FCN2: variants seen among roughly 807,000 people sequenced by gnomAD.
FCN2 encodes the protein ficolin 2.
In FCN2, 31 loss-of-function variants were observed where a neutral mutation model predicts 32.5. That is an observed-to-expected ratio of 0.96 (90% CI 0.72 to 1.29). The LOEUF (loss-of-function observed/expected upper bound fraction) is 1.29, where lower values mean the gene tolerates loss of function less well. Among genes scored for constraint, FCN2 ranks in the 50% most tolerant of loss-of-function variants. FCN2 has a pLI of 0.00. For missense variants in FCN2, 412 were observed against 406.5 expected (o/e 1.01, Z -0.12); for synonymous variants, 181 against 164.5 (o/e 1.10, Z -0.77).
chr9:134,885,728 G>T (rs755966349), intron 5 of FCN2, 40 bp from the exon 6 acceptor site: 17 of 1,613,498 alleles, frequency 1.1e-5, no homozygotes, highest in Non-Finnish European at 1.4e-5. Flanking sequence ...TGGGACGTCG[G>T]CCTGGCCCCC....
chr9:134,878,945 C>G (rs1830627820), upstream of FCN2, among the ~76,000 whole-genome samples: 1 of 152,218 alleles, frequency 6.6e-6, no homozygotes, highest in African/African-American at 2.4e-5. Context: ...TATAAGGAGC[C>G]TGTGAATAAT....
At chr9:134,877,364 C>T (rs1467391764), upstream of FCN2, among the ~76,000 whole-genome samples, 1 of 152,138 alleles carries the variant, frequency 6.6e-6, no homozygotes, top group Non-Finnish European at 1.5e-5. Flanking sequence ...AAAATTCTTT[C>T]TAATTTCTCC....
chr9:134,865,141 G>A, the FCN2 span, among the ~76,000 whole-genome samples: 1 of 152,260 alleles, frequency 6.6e-6, no homozygotes, highest in African/African-American at 2.4e-5. Flanking sequence ...GGCCTGGGAT[G>A]TGCCTGGCAC....
chr9:134,872,182 G>A, the FCN2 span, among the ~76,000 whole-genome samples: 1 of 151,770 alleles, frequency 6.6e-6, no homozygotes, highest in African/African-American at 2.4e-5. Context: ...TCCATTCAGC[G>A]GAGTCGTACC....
chr9:134,865,370 A>G, the FCN2 span, among the ~76,000 whole-genome samples: 5 of 152,148 alleles, frequency 3.3e-5, no homozygotes, highest in Non-Finnish European at 7.4e-5. Flanking sequence ...AGTAGGCGCC[A>G]TGGTCTGAGC....
chr9:134,867,736 G>C, the FCN2 span, among the ~76,000 whole-genome samples: 1 of 150,972 alleles, frequency 6.6e-6, no homozygotes, highest in Non-Finnish European at 1.5e-5. Context: ...TGTGTCCTTG[G>C]ACCCCACACT....
At chr9:134,875,485 A>G in the FCN2 span, among the ~76,000 whole-genome samples, 3 of 152,176 alleles carry the variant, frequency 2.0e-5, no homozygotes, top group African/African-American at 7.2e-5. Context: ...AGAGTACAGC[A>G]AAGAGGAAGC....
intron 1 of FCN2, 138 bp from the exon 2 acceptor site, chr9:134,882,388 G>T: frequency 1.4e-6 from 1 of 737,316 alleles, no homozygotes; most frequent in Non-Finnish European, 2.4e-6. Flanking sequence ...GCTGAGGGAG[G>T]TGGCTGTGGC....
At chr9:134,874,116 G>A in the FCN2 span, among the ~76,000 whole-genome samples, 29 of 152,000 alleles carry the variant, frequency 1.9e-4, no homozygotes, top group African/African-American at 6.0e-4. Context: ...GGGTTTCACC[G>A]TGTTGGCCAG....
upstream of FCN2, among the ~76,000 whole-genome samples, chr9:134,880,652 G>A (rs540095071): frequency 1.1e-4 from 16 of 152,294 alleles, no homozygotes; most frequent in Non-Finnish European, 1.8e-4. Context: ...CCCAAGGGGC[G>A]GGGGGTAGGG....
At chr9:134,873,649 A>G in the FCN2 span, among the ~76,000 whole-genome samples, 1 of 152,198 alleles carries the variant, frequency 6.6e-6, no homozygotes, top group Non-Finnish European at 1.5e-5. Flanking sequence ...ATGATTTGCA[A>G]ATATATTCTC....
At chr9:134,885,653 A>AC in intron 5 of FCN2, 115 bp from the exon 6 acceptor site, 1 of 1,416,806 alleles carries the variant, frequency 7.1e-7, no homozygotes, top group South Asian at 1.3e-5. Flanking sequence ...CGTGCTGGTG[A>AC]CCCCGCCTGT....
At chr9:134,886,259 A>C (rs565690217) in intron 6 of FCN2, among the ~76,000 whole-genome samples, 171 bp from the exon 7 acceptor site, 1 of 152,290 alleles carries the variant, frequency 6.6e-6, no homozygotes, top group African/African-American at 2.4e-5. Context: ...CCTGCTGCTC[A>C]GCACACCCTG....
intron 2 of FCN2, 118 bp downstream of exon 2, chr9:134,882,757 G>T: frequency 1.4e-6 from 1 of 692,946 alleles, no homozygotes; most frequent in Non-Finnish European, 2.5e-6. Context: ...CCCTGCAAGA[G>T]CCAGGAAAAG....
chr9:134,874,252 TAATC>T, the FCN2 span, among the ~76,000 whole-genome samples: 26 of 152,370 alleles, frequency 1.7e-4, no homozygotes, highest in African/African-American at 6.3e-4. Flanking sequence ...TACAATCCGT[TAATC>T]AATATTTTGC....
intron 3 of FCN2, 118 bp from the exon 4 acceptor site, chr9:134,884,609 GGGACTCCTTGGCT>G: frequency 1.1e-6 from 1 of 896,182 alleles, no homozygotes; most frequent in South Asian, 1.4e-5. Context: ...ACCAGGGTCA[GGGACTCCTTGGCT>G]GGACCCATAC....
chr9:134,885,647 C>A, intron 5 of FCN2, 121 bp from the exon 6 acceptor site: 1 of 1,379,418 alleles, frequency 7.2e-7, no homozygotes, highest in Non-Finnish European at 1.0e-6. Context: ...GGTGGGCGTG[C>A]TGGTGACCCC....
Position 134,885,678 on chromosome 9 carries a change from T to A in FCN2, c.430-90T>A. 4 of 1,578,960 alleles carry A rather than the reference T, an allele frequency of 2.5e-6. No homozygotes were observed. In the South Asian group the frequency reaches 3.4e-5, roughly 13 times the overall value. On this transcript the variant is annotated intron_variant, in intron 5 of 7. Coordinates refer to ENST00000291744, the MANE Select transcript of FCN2 (RefSeq NM_004108.3). The stretch of plus-strand genomic sequence containing the variant: ...ACCCCGCCTGTGATGCTCTGCCAAC[T>A]ACAAATGCTGCTCCTCTGGAGGGCG...
the FCN2 span, among the ~76,000 whole-genome samples, chr9:134,874,625 T>C: frequency 1.3e-5 from 2 of 152,262 alleles, no homozygotes; most frequent in South Asian, 2.1e-4. Context: ...TTTATAATAA[T>C]TCTTGAAATT....
Sources: allele counts gnomAD v4.1 joint callset (sites outside exome capture counted in the v4.1 genomes callset), GRCh38; gene constraint gnomAD v4.1.1; transcripts MANE v1.5; gene names NCBI Gene and HGNC (gene_info 2026-07-23, HGNC 2026-07-21).